Variants in DLGAP2 observed in about 807,000 individuals in gnomAD.
The protein encoded by DLGAP2 is disks large-associated protein 2.
Under a neutral mutation model 100.3 loss-of-function variants are expected in DLGAP2, and 26 were observed. The observed-to-expected ratio is 0.26, with a 90% CI of 0.19 to 0.36. The LOEUF (loss-of-function observed/expected upper bound fraction) is 0.36, where lower values mean the gene tolerates loss of function less well. Ranked by LOEUF, DLGAP2 falls within the 10% of genes least tolerant of loss-of-function variation. The probability of loss-of-function intolerance (pLI) is 1.00; values close to 1 mark genes in which losing one functional copy is unlikely to be tolerated. For synonymous variants in DLGAP2, 886 were observed against 630.1 expected (o/e 1.41, Z -6.08); for missense variants, 1,858 against 1,453.2 (o/e 1.28, Z -4.53).
intron 7 of DLGAP2, among the ~76,000 whole-genome samples, chr8:1,630,219 G>C (rs1406603516): frequency 6.6e-6 from 1 of 152,148 alleles, no homozygotes; most frequent in African/African-American, 2.4e-5. Context: ...AACAAACGTA[G>C]TAGGTGAGAA....
At chr8:1,541,321 C>G (rs973302832) in intron 4 of DLGAP2, among the ~76,000 whole-genome samples, 5 of 152,126 alleles carry the variant, frequency 3.3e-5, no homozygotes, top group African/African-American at 1.2e-4. Flanking sequence ...TACAGCATGA[C>G]TCAGATTAAA....
chr8:744,012 G>C (rs1462296414), intron 1 of DLGAP2, among the ~76,000 whole-genome samples: 1 of 152,204 alleles, frequency 6.6e-6, no homozygotes, highest in Non-Finnish European at 1.5e-5. Flanking sequence ...GTGCCTTCAC[G>C]TTTCCTCTGA....
At chr8:1,339,417 A>T (rs528732996) in intron 3 of DLGAP2, among the ~76,000 whole-genome samples, 1 of 152,088 alleles carries the variant, frequency 6.6e-6, no homozygotes, top group African/African-American at 2.4e-5. Context: ...TCAGTGAGGC[A>T]TCAGCAAGAA....
intron 3 of DLGAP2, among the ~76,000 whole-genome samples, chr8:1,458,096 C>G (rs915026943): frequency 1.4e-5 from 2 of 146,454 alleles, no homozygotes; most frequent in East Asian, 4.0e-4. Context: ...TTAGTAGAGA[C>G]GGGGTTTCAC....
chr8:1,583,721 C>A (rs1490039286), intron 6 of DLGAP2, among the ~76,000 whole-genome samples: 1 of 152,116 alleles, frequency 6.6e-6, no homozygotes, highest in East Asian at 1.9e-4. Context: ...GCTCCTAGCA[C>A]CTCTCGGCCA....
At chr8:771,053 T>G (rs1333327212) in intron 1 of DLGAP2, among the ~76,000 whole-genome samples, 3 of 152,260 alleles carry the variant, frequency 2.0e-5, no homozygotes, top group Admixed American at 6.5e-5. Context: ...GCCTTCCAGC[T>G]CCATTTCTCC....
chr8:1,337,611 T>C (rs1011488474), intron 3 of DLGAP2, among the ~76,000 whole-genome samples: 3 of 78,534 alleles, frequency 3.8e-5, no homozygotes, highest in Non-Finnish European at 5.8e-5. Context: ...CATTGATTCA[T>C]GCATTAATTC....
rs73532654 is a variant in DLGAP2 at position 1,424,518 on chromosome 8, A to C, written c.107-76848A>C. On this transcript the variant is annotated intron_variant, in intron 3 of 14. Coordinates refer to ENST00000637795, the MANE Select transcript of DLGAP2 (RefSeq NM_001346810.2). ...AAAGGAAGGAAATTCTACACATCCT[A>C]CGACTTGGGTGAACCCTGAGGACAC... Among the ~76,000 whole-genome samples, 576 of 152,362 alleles carry C rather than the reference A, an allele frequency of 3.8e-3. 5 individuals carry two copies. The highest frequency in any genetic ancestry group is 0.013 in the African/African-American group (542 of 41,582).
chr8:1,117,733 C>T (rs1014270430), intron 2 of DLGAP2, among the ~76,000 whole-genome samples: 5 of 152,182 alleles, frequency 3.3e-5, no homozygotes, highest in Non-Finnish European at 5.9e-5. Flanking sequence ...GACCAGGACT[C>T]TTTGTAAGAC....
At chr8:1,629,138 C>T (rs1021130522) in intron 7 of DLGAP2, among the ~76,000 whole-genome samples, 6 of 152,210 alleles carry the variant, frequency 3.9e-5, no homozygotes, top group Non-Finnish European at 7.3e-5. Context: ...TTAAATTCCT[C>T]ATGAGGTAGA....
intron 2 of DLGAP2, among the ~76,000 whole-genome samples, chr8:984,988 A>T (rs1380240094): frequency 6.6e-6 from 1 of 152,254 alleles, no homozygotes; most frequent in African/African-American, 2.4e-5. Flanking sequence ...AAGCTTAAAC[A>T]GAACAGATGT....
At chr8:876,113 C>G (rs531185372) in intron 1 of DLGAP2, among the ~76,000 whole-genome samples, 155 of 152,208 alleles carry the variant, frequency 1.0e-3, no homozygotes, top group Middle Eastern at 3.4e-3. Flanking sequence ...TTGATAGGTC[C>G]ACCAAGCTTT....
intron 3 of DLGAP2, among the ~76,000 whole-genome samples, chr8:1,355,009 G>T (rs1025630707): frequency 3.3e-5 from 5 of 149,638 alleles, no homozygotes; most frequent in African/African-American, 1.2e-4. Context: ...GGATGAGGGT[G>T]GAAAGTCACG....
At chr8:1,559,524 C>A (rs999121879) in intron 5 of DLGAP2, among the ~76,000 whole-genome samples, 1 of 152,214 alleles carries the variant, frequency 6.6e-6, no homozygotes, top group African/African-American at 2.4e-5. Flanking sequence ...ATTGAAATTT[C>A]TTCTGTCAAA....
chr8:1,138,756 G>A (rs1796467478), intron 2 of DLGAP2, among the ~76,000 whole-genome samples: 1 of 152,080 alleles, frequency 6.6e-6, no homozygotes, highest in Admixed American at 6.5e-5. Flanking sequence ...TGCGGCTGGT[G>A]GGAAATTCTT....
At chr8:946,269 G>GTTTTT (rs767524745) in intron 2 of DLGAP2, among the ~76,000 whole-genome samples, 1 of 140,188 alleles carries the variant, frequency 7.1e-6, no homozygotes, top group African/African-American at 2.6e-5. Context: ...TGTTTCTTAG[G>GTTTTT]TTTTTTTTTT....
chr8:831,637 C>T (rs1796785769), intron 1 of DLGAP2, among the ~76,000 whole-genome samples: 1 of 152,106 alleles, frequency 6.6e-6, no homozygotes, highest in African/African-American at 2.4e-5. Flanking sequence ...TGGGTTGGTT[C>T]CAAGTCTTTG....
At chr8:1,471,554 C>G (rs1471318378) in intron 3 of DLGAP2, among the ~76,000 whole-genome samples, 6 of 150,696 alleles carry the variant, frequency 4.0e-5, no homozygotes, top group Non-Finnish European at 8.9e-5. Flanking sequence ...TCCTAACCTC[C>G]TCTGCGACGC....
intron 2 of DLGAP2, among the ~76,000 whole-genome samples, chr8:1,133,500 C>T (rs956893969): frequency 2.6e-5 from 4 of 152,094 alleles, no homozygotes; most frequent in Non-Finnish European, 4.4e-5. Flanking sequence ...TTCTGGAAAA[C>T]AATTAAGTCC....
Sources: allele counts gnomAD v4.1 joint callset (sites outside exome capture counted in the v4.1 genomes callset), GRCh38; gene constraint gnomAD v4.1.1; transcripts MANE v1.5; gene names NCBI Gene and HGNC (gene_info 2026-07-23, HGNC 2026-07-21).